CLEC9A: variants seen among roughly 807,000 people sequenced by gnomAD.
The protein encoded by CLEC9A is C-type lectin domain containing 9A.
Under a neutral mutation model 30.0 loss-of-function variants are expected in CLEC9A, and 24 were observed. The ratio of observed to expected loss-of-function variants is 0.80; its 90% CI spans 0.58 to 1.13. CLEC9A has a LOEUF of 1.13. Ranked by LOEUF, CLEC9A falls within the 50% of genes most tolerant of loss-of-function variation. CLEC9A has a pLI of 0.00. For synonymous variants in CLEC9A, 111 were observed against 96.8 expected, an observed-to-expected ratio of 1.15 and a Z score of -0.86; for missense variants, 251 against 280.9, an observed-to-expected ratio of 0.89 and a Z score of 0.76.
intron 5 of CLEC9A, among the ~76,000 whole-genome samples, chr12:10,054,778 C>T (rs1336952912): frequency 3.3e-5 from 5 of 152,158 alleles, no homozygotes; most frequent in Non-Finnish European, 7.4e-5. Flanking sequence ...GAGCTTCGTT[C>T]GACCACATTT....
intron 6 of CLEC9A, among the ~76,000 whole-genome samples, chr12:10,062,658 A>G (rs1485779178): frequency 6.6e-6 from 1 of 152,196 alleles, no homozygotes. Flanking sequence ...CAATCCATCC[A>G]ATGGTCCAGT....
Position 10,041,553 on chromosome 12 carries a change from A to G in CLEC9A, c.-230A>G. On this transcript the variant is annotated 5_prime_UTR_variant, in exon 2 of 9. Transcript: ENST00000355819. ...TTCTTCAAACACAACTTGACATGGA[A>G]AGAGAGTGAGCAGTACTGCACTGAC... 1 of 505,596 alleles carries G rather than the reference A, an allele frequency of 2.0e-6. No homozygotes were observed. The allele number at this position is 505,596 out of a possible 1,614,324, so 31.3% of individuals were successfully genotyped here. A position where few individuals can be genotyped will look rare whatever the true frequency, so the allele number is the denominator to read the frequency against.
At chr12:10,047,818 T>A (rs1476992659) in intron 2 of CLEC9A, among the ~76,000 whole-genome samples, 1 of 152,244 alleles carries the variant, frequency 6.6e-6, no homozygotes, top group Non-Finnish European at 1.5e-5. Flanking sequence ...TACCTGAGTC[T>A]TTAATGAGTG....
At chr12:10,063,273 C>A in intron 7 of CLEC9A, 67 bp downstream of exon 7, 1 of 1,367,550 alleles carries the variant, frequency 7.3e-7, no homozygotes, top group South Asian at 1.9e-5. Context: ...AGAAATCCCT[C>A]ATTCTCATAA....
At chr12:10,035,452 T>G (rs904074846) in intron 1 of CLEC9A, among the ~76,000 whole-genome samples, 10 of 152,180 alleles carry the variant, frequency 6.6e-5, no homozygotes, top group Non-Finnish European at 1.2e-4. Context: ...GCCATGAAAT[T>G]TTGTAGTAAT....
intron 5 of CLEC9A, among the ~76,000 whole-genome samples, chr12:10,056,960 A>T (rs1865949176): frequency 6.6e-6 from 1 of 152,146 alleles, no homozygotes; most frequent in Admixed American, 6.5e-5. Context: ...GGCGTAAAGT[A>T]TATTTTCCTT....
chr12:10,044,763 G>C (rs900733920), intron 2 of CLEC9A, among the ~76,000 whole-genome samples: 3 of 151,970 alleles, frequency 2.0e-5, no homozygotes, highest in Admixed American at 2.0e-4. Context: ...CTATTTGTGG[G>C]CTTCTTACTG....
chr12:10,032,306 A>G (rs1014398174), intron 1 of CLEC9A, among the ~76,000 whole-genome samples: 1 of 152,140 alleles, frequency 6.6e-6, no homozygotes, highest in Non-Finnish European at 1.5e-5. Context: ...CAGAAAATCA[A>G]CATCCCAAAG....
chr12:10,051,067 TGGTGGCGGGTGCC>T (rs1388254934), intron 2 of CLEC9A, among the ~76,000 whole-genome samples: 2 of 151,820 alleles, frequency 1.3e-5, no homozygotes, highest in Non-Finnish European at 2.9e-5. Flanking sequence ...TAGCCGGGCG[TGGTGGCGGGTGCC>T]TGTCATCCCA....
intron 2 of CLEC9A, among the ~76,000 whole-genome samples, chr12:10,046,706 T>A (rs927666936): frequency 7.2e-5 from 11 of 152,192 alleles, no homozygotes; most frequent in Non-Finnish European, 1.6e-4. Context: ...AACATGGAGA[T>A]GTTCAAACAC....
intron 5 of CLEC9A, among the ~76,000 whole-genome samples, chr12:10,058,837 G>A (rs1448655211): frequency 1.3e-5 from 2 of 152,138 alleles, no homozygotes; most frequent in Non-Finnish European, 1.5e-5. Flanking sequence ...GAGCCACCAC[G>A]CCCAGCCTGT....
intron 2 of CLEC9A, among the ~76,000 whole-genome samples, chr12:10,050,562 G>A (rs750154892): frequency 3.3e-5 from 5 of 152,168 alleles, no homozygotes; most frequent in African/African-American, 4.8e-5. Context: ...GTAAAGGTAC[G>A]ATTAAAAACA....
In CLEC9A at chr12:10,052,532, G is replaced by A. The variant is rs530106224; in HGVS notation, c.-58-98G>A. 8.4e-6 allele frequency: 11 copies of A among 1,309,828 alleles called. No homozygotes were observed. In the East Asian group the frequency reaches 1.9e-4, roughly 22 times the overall value. The allele number at this position is 1,309,828 out of a possible 1,614,324, so 81.1% of individuals were successfully genotyped here. On this transcript the variant is annotated intron_variant, in intron 3 of 8. Transcript: ENST00000355819. ...ATAAACTTCCACTTTCTGAATGAAG[G>A]TGCATCTATTCTACTCCTTAAACAC...
chr12:10,030,945 C>G lies in CLEC9A; in HGVS notation c.-345C>G, dbSNP rs527569116. ...CATGTTAGCCAAGATCTAAATGATT[C>G]AAACTGATGATACTCTCTGCAGAAG... On this transcript the variant is annotated 5_prime_UTR_variant, in exon 1 of 9. It introduces an in-frame stop codon into an upstream open reading frame of the 5' UTR. Coordinates refer to ENST00000355819, the MANE Select transcript of CLEC9A (RefSeq NM_207345.4). 1.3e-5 allele frequency: 2 copies of G among 152,226 alleles called. No individual in the cohort carries two copies. Among genetic ancestry groups the G allele is most frequent in the African/African-American group, 4.8e-5 (2 of 41,516 alleles). The allele number at this position is 152,226 out of a possible 1,614,324, so 9.4% of individuals were successfully genotyped here. A position where few individuals can be genotyped will look rare whatever the true frequency, so the allele number is the denominator to read the frequency against.
chr12:10,053,531 G>C (rs1239667123), intron 4 of CLEC9A, among the ~76,000 whole-genome samples: 5 of 152,152 alleles, frequency 3.3e-5, no homozygotes, highest in Non-Finnish European at 7.4e-5. Flanking sequence ...CATTTAAAAG[G>C]GATCCAGATA....
At chr12:10,031,748 G>A (rs1865699032) in intron 1 of CLEC9A, among the ~76,000 whole-genome samples, 1 of 152,006 alleles carries the variant, frequency 6.6e-6, no homozygotes, top group Non-Finnish European at 1.5e-5. Context: ...ACCAATGTCG[G>A]TAGAAGAAAC....
At position 10,052,729 on chromosome 12, in the gene CLEC9A, C is replaced by T. The variant is rs568055309; in HGVS notation, c.42C>T (p.Ser14=). 2 of 1,613,988 alleles carry T rather than the reference C, an allele frequency of 1.2e-6. No homozygotes were observed. Among genetic ancestry groups the T allele is most frequent in the East Asian group, 2.2e-5 (1 of 44,870 alleles). Residue 14 remains serine (S), a synonymous_variant, in exon 4 of 9, where the codon AGC becomes AGT. Coordinates refer to ENST00000355819, the MANE Select transcript of CLEC9A (RefSeq NM_207345.4). ...EEIYTSLQWD[S]PAPDTYQKCL... is the part of the protein sequence containing the mutation. ...TATACACCTCTCTTCAGTGGGATAG[C>T]CCAGCACCAGACACTTACCAGAAAT...
intron 4 of CLEC9A, 21 bp downstream of exon 4, chr12:10,052,799 T>C: frequency 6.2e-7 from 1 of 1,610,942 alleles, no homozygotes; most frequent in South Asian, 1.1e-5. Flanking sequence ...CTAACTATTT[T>C]GTGTGAGACT....
At chr12:10,044,408 A>T (rs1306462764) in intron 2 of CLEC9A, among the ~76,000 whole-genome samples, 1 of 152,238 alleles carries the variant, frequency 6.6e-6, no homozygotes, top group Admixed American at 6.5e-5. Flanking sequence ...AGGATACTAC[A>T]GCTACAACTC....
Sources: allele counts gnomAD v4.1 joint callset (sites outside exome capture counted in the v4.1 genomes callset), GRCh38; gene constraint gnomAD v4.1.1; transcripts MANE v1.5; gene names NCBI Gene and HGNC (gene_info 2026-07-23, HGNC 2026-07-21).